HYDIN: variants seen among roughly 807,000 people sequenced by gnomAD.
HYDIN encodes HYDIN axonemal central pair apparatus protein.
Under a neutral mutation model 403.9 loss-of-function variants are expected in HYDIN, and 132 were observed. That is an observed-to-expected ratio of 0.33 (90% CI 0.28 to 0.38). The LOEUF (loss-of-function observed/expected upper bound fraction) is 0.38, where lower values mean the gene tolerates loss of function less well. Among genes scored for constraint, HYDIN ranks in the 10% least tolerant of loss-of-function variants. The pLI is 1.00. For synonymous variants in HYDIN, 1,202 were observed against 1,891.7 expected (o/e 0.64, Z 9.46); for missense variants, 2,827 against 5,009.5 (o/e 0.56, Z 13.15).
chr16:71,070,281 C>G (rs537404614), intron 13 of HYDIN, among the ~76,000 whole-genome samples: 3 of 150,558 alleles, frequency 2.0e-5, no homozygotes, highest in Non-Finnish European at 4.4e-5. Flanking sequence ...CTCCTTCCTT[C>G]CTTCCTTCCT....
chr16:71,105,389 C>T (rs1335392377), intron 10 of HYDIN, among the ~76,000 whole-genome samples: 1 of 148,780 alleles, frequency 6.7e-6, no homozygotes, highest in Non-Finnish European at 1.5e-5. Context: ...GCTGAGTAAC[C>T]AATATGTAGC....
chr16:71,107,978 T>A (rs1305917481), intron 10 of HYDIN, among the ~76,000 whole-genome samples: 3 of 152,114 alleles, frequency 2.0e-5, no homozygotes, highest in Non-Finnish European at 4.4e-5. Context: ...TACAAAATAC[T>A]ACGCAGCCAT....
rs144056258 is a variant in HYDIN, at chr16:71,027,463, T to C, written c.3042+139A>G. 4,191 of 1,532,806 alleles carry C rather than the reference T, an allele frequency of 2.7e-3. 12 individuals carry two copies. The highest frequency in any genetic ancestry group is 3.4e-3 in the Non-Finnish European group (3,884 of 1,145,264). 95.0% of individuals were successfully genotyped at this position (1,532,806 alleles called of 1,614,324 possible). On this transcript the variant is annotated intron_variant, in intron 20 of 85. Transcript: ENST00000393567. ...ACCCCGAAAGCAACGGATGCTACTA[T>C]GGTAACTCAGGATTGTACACAATCC...
At chr16:71,180,969 T>A (rs996769794) in intron 3 of HYDIN, among the ~76,000 whole-genome samples, 1 of 152,018 alleles carries the variant, frequency 6.6e-6, no homozygotes, top group African/African-American at 2.4e-5. Context: ...TTACTTAAAA[T>A]AGTATCCTAA....
chr16:71,059,489 G>A (rs888482882), intron 18 of HYDIN, among the ~76,000 whole-genome samples: 2 of 151,976 alleles, frequency 1.3e-5, no homozygotes, highest in African/African-American at 4.8e-5. Flanking sequence ...CTGTTGCATT[G>A]GTCTATGTGT....
At chr16:71,125,324 G>C (rs1261826159) in intron 9 of HYDIN, among the ~76,000 whole-genome samples, 4 of 151,960 alleles carry the variant, frequency 2.6e-5, no homozygotes. Flanking sequence ...AAATTTTTTG[G>C]ATATCTATAG....
At chr16:70,926,118 C>T (rs989525816) in intron 45 of HYDIN, among the ~76,000 whole-genome samples, 16 of 148,336 alleles carry the variant, frequency 1.1e-4, no homozygotes, top group African/African-American at 3.7e-4. Context: ...TGGGTATATA[C>T]CCAAAGGACT....
chr16:70,853,026 A>C (rs1383692971), intron 73 of HYDIN, among the ~76,000 whole-genome samples: 1 of 151,676 alleles, frequency 6.6e-6, no homozygotes, highest in Non-Finnish European at 1.5e-5. Flanking sequence ...AAAAAAAAAA[A>C]AAAAATTAGC....
At chr16:70,900,691 G>A (rs1878856580) in intron 53 of HYDIN, among the ~76,000 whole-genome samples, 2 of 150,610 alleles carry the variant, frequency 1.3e-5, no homozygotes, top group Admixed American at 1.3e-4. Context: ...TGCTTACCTA[G>A]GTATAGCAAC....
At chr16:70,964,432 C>A (rs1036580890) in intron 37 of HYDIN, among the ~76,000 whole-genome samples, 1 of 151,674 alleles carries the variant, frequency 6.6e-6, no homozygotes, top group Non-Finnish European at 1.5e-5. Context: ...CTCATCTGTA[C>A]GTCCAAAGCC....
chr16:70,902,897 C>A (rs2076435073), intron 52 of HYDIN, among the ~76,000 whole-genome samples: 1 of 138,338 alleles, frequency 7.2e-6, no homozygotes, highest in African/African-American at 2.8e-5. Flanking sequence ...AGTTAGACTG[C>A]TTGATGTTGT....
At chr16:70,843,602 C>T (rs1485317400) in intron 75 of HYDIN, among the ~76,000 whole-genome samples, 1 of 139,106 alleles carries the variant, frequency 7.2e-6, no homozygotes, top group African/African-American at 3.0e-5. Context: ...ATTCTAGGTC[C>T]CTGAGGAATC....
At chr16:70,923,856 C>T (rs2077076057) in intron 45 of HYDIN, among the ~76,000 whole-genome samples, 1 of 139,382 alleles carries the variant, frequency 7.2e-6, no homozygotes. Flanking sequence ...ACTAATGAAA[C>T]AGAAAACATA....
intron 12 of HYDIN, among the ~76,000 whole-genome samples, chr16:71,085,759 T>C (rs549787642): frequency 2.6e-5 from 4 of 152,362 alleles, no homozygotes; most frequent in Middle Eastern, 3.4e-3. Context: ...TTGTCTGATA[T>C]AACATAGACT....
intron 47 of HYDIN, among the ~76,000 whole-genome samples, chr16:70,914,384 C>T (rs2076779502): frequency 6.6e-6 from 1 of 152,074 alleles, no homozygotes; most frequent in East Asian, 1.9e-4. Context: ...TGTATCTTTC[C>T]TTCATATACG....
intron 5 of HYDIN, among the ~76,000 whole-genome samples, chr16:71,165,015 C>T (rs2086156491): frequency 6.6e-6 from 1 of 152,104 alleles, no homozygotes; most frequent in Non-Finnish European, 1.5e-5. Flanking sequence ...ACCTCCACCC[C>T]CGCCACCCTG....
chr16:71,212,765 G>C (rs1401963630), intron 1 of HYDIN, among the ~76,000 whole-genome samples: 1 of 152,110 alleles, frequency 6.6e-6, no homozygotes, highest in Non-Finnish European at 1.5e-5. Flanking sequence ...TAATGAGTCA[G>C]AGGCAACATC....
At chr16:70,902,817 ATATATTTTTTTT>A (rs2076424482) in intron 52 of HYDIN, among the ~76,000 whole-genome samples, 1 of 15,654 alleles carries the variant, frequency 6.4e-5, no homozygotes, top group East Asian at 1.5e-3. Flanking sequence ...ATATATATAT[ATATATTTTTTTT>A]TTTTTTTTTG....
chr16:70,883,000 G>A (rs2040905651), intron 59 of HYDIN, 105 bp from the exon 60 acceptor site: 2 of 909,142 alleles, frequency 2.2e-6, no homozygotes, highest in African/African-American at 3.3e-5. Context: ...AATTGTGGAG[G>A]ACACATAGGC....
Sources: allele counts gnomAD v4.1 joint callset (sites outside exome capture counted in the v4.1 genomes callset), GRCh38; gene constraint gnomAD v4.1.1; transcripts MANE v1.5; gene names NCBI Gene and HGNC (gene_info 2026-07-23, HGNC 2026-07-21).